MARF1: variants seen among roughly 807,000 people sequenced by gnomAD.
The protein encoded by MARF1 is meiosis regulator and mRNA stability factor 1.
In MARF1, 24 loss-of-function variants were observed where a neutral mutation model predicts 168.2. The observed-to-expected ratio is 0.14, with a 90% CI of 0.10 to 0.20. The LOEUF (loss-of-function observed/expected upper bound fraction) is 0.20, where lower values mean the gene tolerates loss of function less well. MARF1 is among the 10% of genes least tolerant of loss of function. MARF1 has a pLI of 1.00. For synonymous variants in MARF1, 868 were observed against 822.4 expected (o/e 1.06, Z -0.95); for missense variants, 1,744 against 2,143.6 (o/e 0.81, Z 3.68).
At chr16:15,611,769 C>G in intron 17 of MARF1, 35 bp from the exon 18 acceptor site, 1 of 1,589,488 alleles carries the variant, frequency 6.3e-7, no homozygotes, top group Non-Finnish European at 8.6e-7. Context: ...ACACATAAGA[C>G]CTCAGCAGAC....
chr16:15,618,193 G>C (rs1294870337), intron 13 of MARF1, among the ~76,000 whole-genome samples: 3 of 152,160 alleles, frequency 2.0e-5, no homozygotes, highest in African/African-American at 4.8e-5. Context: ...AGTGTGGTTA[G>C]GCCTGGACAG....
chr16:15,640,574 T>C (rs1201457058), intron 1 of MARF1, among the ~76,000 whole-genome samples: 1 of 152,162 alleles, frequency 6.6e-6, no homozygotes, highest in Non-Finnish European at 1.5e-5. Flanking sequence ...TGCATGCCTG[T>C]AGCCCCATCT....
chr16:15,630,129 TAAATA>T (rs2035151970), intron 7 of MARF1, 198 bp downstream of exon 7: 4 of 417,022 alleles, frequency 9.6e-6, no homozygotes, highest in Non-Finnish European at 4.2e-6. Context: ...TATTTTGAAA[TAAATA>T]AAAGCAAACT....
chr16:15,609,495 T>C, intron 20 of MARF1, 28 bp downstream of exon 20: 2 of 1,576,144 alleles, frequency 1.3e-6, no homozygotes, highest in Non-Finnish European at 1.7e-6. Context: ...AGAAAAATAC[T>C]TTATAAAATT....
chr16:15,618,736 C>T (rs1435055637), intron 13 of MARF1, among the ~76,000 whole-genome samples: 1 of 152,172 alleles, frequency 6.6e-6, no homozygotes, highest in East Asian at 1.9e-4. Context: ...GCCCTATCTC[C>T]AGAGCCTACT....
intron 7 of MARF1, among the ~76,000 whole-genome samples, chr16:15,629,526 A>T (rs1172089689): frequency 1.3e-5 from 2 of 152,228 alleles, no homozygotes; most frequent in East Asian, 3.9e-4. Context: ...ACTTTGCATG[A>T]GATCATGTCT....
At chr16:15,616,726 G>C (rs1277293799) in intron 15 of MARF1, 1 of 230,536 alleles carries the variant, frequency 4.3e-6, no homozygotes. Context: ...GCAGCCCATG[G>C]TTCCCGAGCT....
chr16:15,605,069 G>C (rs1368895592), intron 21 of MARF1, among the ~76,000 whole-genome samples: 2 of 152,218 alleles, frequency 1.3e-5, no homozygotes, highest in East Asian at 3.8e-4. Context: ...TTGTCACTTG[G>C]GGACCAAACA....
chr16:15,624,069 G>A (rs1412912118), intron 10 of MARF1, among the ~76,000 whole-genome samples: 1 of 151,912 alleles, frequency 6.6e-6, no homozygotes, highest in Non-Finnish European at 1.5e-5. Context: ...TCACTACCAC[G>A]CCCGGCTAAT....
intron 22 of MARF1, chr16:15,602,777 G>A (rs2032633037): frequency 2.6e-6 from 1 of 380,940 alleles, no homozygotes; most frequent in African/African-American, 2.1e-5. Context: ...GAAGAAATCG[G>A]GGGAGGCAAA....
At position 15,602,310 on chromosome 16, in the gene MARF1, CAAA is replaced by C. The variant is rs1045864237; in HGVS notation, c.4414-110_4414-108del. On this transcript the variant is annotated intron_variant, in intron 22 of 26. Transcript: ENST00000396368. ...AAAGGCCCAGAGTTGAAGACGAAGA[CAAA>C]GAAGAAAAAGAAGGCAACGAAGATG... 13 of 867,498 alleles carry C rather than the reference CAAA, an allele frequency of 1.5e-5. No homozygotes were observed. The Admixed American group carries it at 1.7e-4, about 11-fold the overall frequency. 53.7% of individuals were successfully genotyped at this position (867,498 alleles called of 1,614,324 possible). A position where few individuals can be genotyped will look rare whatever the true frequency, so the allele number is the denominator to read the frequency against.
chr16:15,611,180 C>T (rs1273467238), intron 18 of MARF1, 72 bp from the exon 19 acceptor site: 24 of 1,495,684 alleles, frequency 1.6e-5, no homozygotes, highest in Admixed American at 7.0e-5. Flanking sequence ...GTTTTCCGGC[C>T]GGGCGCTGGG....
intron 17 of MARF1, 30 bp downstream of exon 17, chr16:15,612,527 G>C (rs1596461092): frequency 1.1e-5 from 17 of 1,577,610 alleles, no homozygotes; most frequent in Non-Finnish European, 1.4e-5. Flanking sequence ...ATTCCTGCCT[G>C]TAAACAAGTA....
intron 18 of MARF1, among the ~76,000 whole-genome samples, chr16:15,611,390 C>T (rs1007909802): frequency 7.4e-6 from 1 of 134,886 alleles, no homozygotes; most frequent in Non-Finnish European, 1.5e-5. Flanking sequence ...ACCCGGGAGG[C>T]GGAGCTTGCA....
chr16:15,616,133 G>A, intron 15 of MARF1, 128 bp from the exon 16 acceptor site: 1 of 726,698 alleles, frequency 1.4e-6, no homozygotes, highest in Non-Finnish European at 2.0e-6. Flanking sequence ...CCACCACCAG[G>A]TTTGAAGGTT....
At chr16:15,631,521 T>G in intron 5 of MARF1, 23 bp from the exon 6 acceptor site, 1 of 1,532,436 alleles carries the variant, frequency 6.5e-7, no homozygotes, top group Non-Finnish European at 9.0e-7. Flanking sequence ...ATAATAAGGG[T>G]GAATAAGCAG....
intron 21 of MARF1, 31 bp downstream of exon 21, chr16:15,608,260 G>GAAAAAAAAAAAAAAAA: frequency 1.2e-6 from 1 of 829,562 alleles, no homozygotes; most frequent in Non-Finnish European, 1.8e-6. Flanking sequence ...TCCCATGAGG[G>GAAAAAAAAAAAAAAAA]AAAAAAAAAA....
chr16:15,635,181 G>C (rs1302093044), intron 3 of MARF1: 2 of 469,682 alleles, frequency 4.3e-6, no homozygotes, highest in African/African-American at 4.0e-5. Context: ...TGGGGCATGA[G>C]TCTGCTGCAA....
intron 16 of MARF1, 133 bp downstream of exon 16, chr16:15,615,697 A>C: frequency 3.6e-6 from 2 of 559,168 alleles, no homozygotes; most frequent in Non-Finnish European, 5.8e-6. Context: ...GGAATTTTCA[A>C]AAGATCAAAG....
Sources: gnomAD v4.1 joint callset for allele counts (sites outside exome capture counted in the v4.1 genomes callset) on GRCh38, gnomAD v4.1.1 for gene constraint, MANE v1.5 for transcripts, NCBI Gene and HGNC (gene_info 2026-07-23, HGNC 2026-07-21) for gene names.